The following OSBPL10 variants were observed in gnomAD, a reference collection of about 807,000 sequenced individuals.
The protein encoded by OSBPL10 is oxysterol binding protein like 10.
In OSBPL10, 49 loss-of-function variants were observed where a neutral mutation model predicts 81.7. The observed-to-expected ratio is 0.60, with a 90% confidence interval of 0.48 to 0.76. The LOEUF (loss-of-function observed/expected upper bound fraction) is 0.76. OSBPL10 is among the 30% of genes least tolerant of loss of function. The probability of loss-of-function intolerance (pLI) is 0.00; values close to 1 mark genes in which losing one functional copy is unlikely to be tolerated. For missense variants in OSBPL10, 923 were observed against 987.8 expected, an observed-to-expected ratio of 0.93 and a Z score of 0.88; for synonymous variants, 419 against 383.6, an observed-to-expected ratio of 1.09 and a Z score of -1.08.
At chr3:31,842,820 G>A (rs532187180) in intron 3 of OSBPL10, among the ~76,000 whole-genome samples, 23 of 152,232 alleles carry the variant, frequency 1.5e-4, no homozygotes, top group African/African-American at 4.8e-4. Context: ...AAACTGATAC[G>A]GGAAGAGCAA....
chr3:31,761,159 A>G (rs1698024241), intron 4 of OSBPL10, among the ~76,000 whole-genome samples: 1 of 152,200 alleles, frequency 6.6e-6, no homozygotes, highest in Non-Finnish European at 1.5e-5. Context: ...ATGTCCCTGC[A>G]TAATGCAGGG....
chr3:31,700,965 C>T (rs1169171838), intron 7 of OSBPL10, among the ~76,000 whole-genome samples: 2 of 152,216 alleles, frequency 1.3e-5, no homozygotes, highest in Non-Finnish European at 2.9e-5. Context: ...CTTTCTATGT[C>T]TGGCGTCCTC....
intron 1 of OSBPL10, among the ~76,000 whole-genome samples, chr3:31,927,109 T>TCAA (rs761005114): frequency 9.2e-5 from 14 of 152,026 alleles, no homozygotes; most frequent in East Asian, 5.8e-4. Context: ...AGACTCCATC[T>TCAA]CAACAACAAC....
intron 7 of OSBPL10, among the ~76,000 whole-genome samples, chr3:31,698,428 G>GTGA (rs1695793660): frequency 6.6e-6 from 1 of 152,002 alleles, no homozygotes; most frequent in African/African-American, 2.4e-5. Context: ...TCCAGCCTGG[G>GTGA]TGATAGAGCG....
chr3:31,666,148 G>A (rs1575461700), intron 10 of OSBPL10, among the ~76,000 whole-genome samples: 1 of 152,182 alleles, frequency 6.6e-6, no homozygotes, highest in East Asian at 1.9e-4. Flanking sequence ...AGGGCACCAT[G>A]GCAGAGGTCG....
At chr3:31,769,995 T>C (rs1698328856) in intron 4 of OSBPL10, among the ~76,000 whole-genome samples, 1 of 152,136 alleles carries the variant, frequency 6.6e-6, no homozygotes, top group Admixed American at 6.5e-5. Flanking sequence ...GATGACAAGG[T>C]TCTGCCTGTA....
rs1306473764 is a variant in OSBPL10 at position 31,930,003 on chromosome 3, C to CAAACAAAAAAAAAAAAAAA, written c.282-50174_282-50173insTTTTTTTTTTTTTTTGTTT. Among the ~76,000 whole-genome samples the CAAACAAAAAAAAAAAAAAA allele has an allele frequency of 8.3e-5, 6 of 72,570 alleles. 2 individuals carry two copies. The highest frequency in any genetic ancestry group is 1.0e-4 in the Non-Finnish European group (4 of 38,440). 47.6% of individuals were successfully genotyped at this position (72,570 alleles called of 152,430 possible). On this transcript the variant is annotated intron_variant, in intron 1 of 11. Transcript: ENST00000396556. Reference sequence around the variant, plus strand: ...GATCAAGTGAGACCCTGTCACCAACCAAAAAAAAAAAAAAAAAAAAAAACA... The same window carrying CAAACAAAAAAAAAAAAAAA: ...GATCAAGTGAGACCCTGTCACCAACCAAACAAAAAAAAAAAAAAAAAAAAAAAAAAAAAAAAAAAAAACA...
At chr3:31,673,437 C>A (rs1366411951) in intron 8 of OSBPL10, among the ~76,000 whole-genome samples, 2 of 152,164 alleles carry the variant, frequency 1.3e-5, no homozygotes, top group African/African-American at 4.8e-5. Flanking sequence ...AGAGAGGTCA[C>A]CTCAAATATC....
chr3:31,997,318 G>T (rs376130816), intron 2 of OSBPL10, among the ~76,000 whole-genome samples: 4 of 151,526 alleles, frequency 2.6e-5, no homozygotes, highest in African/African-American at 9.7e-5. Context: ...AGGCTGGAGT[G>T]CAGTGGTGCG....
intron 3 of OSBPL10, among the ~76,000 whole-genome samples, chr3:31,846,247 C>T (rs2125564926): frequency 6.6e-6 from 1 of 152,308 alleles, no homozygotes; most frequent in South Asian, 2.1e-4. Flanking sequence ...TCCTGGGCTC[C>T]AGCGATCCTC....
intron 3 of OSBPL10, among the ~76,000 whole-genome samples, chr3:31,864,377 T>C (rs1350734739): frequency 6.6e-6 from 1 of 151,928 alleles, no homozygotes; most frequent in Non-Finnish European, 1.5e-5. Flanking sequence ...GAGTAGCTGG[T>C]ATGACAGACA....
intron 2 of OSBPL10, 54 bp from the exon 3 acceptor site, chr3:31,876,566 A>G: frequency 6.8e-7 from 1 of 1,475,114 alleles, no homozygotes. Flanking sequence ...TCCAAAACAC[A>G]TCCAACTTAT....
intron 5 of OSBPL10, among the ~76,000 whole-genome samples, chr3:31,740,563 AG>A (rs145440353): frequency 0.053 from 8,043 of 152,042 alleles, 710 homozygotes; most frequent in African/African-American, 0.18. Flanking sequence ...AGATTCAAAA[AG>A]TATTGCATCA....
chr3:31,985,544 CTAG>C (rs984107224), upstream of OSBPL10, among the ~76,000 whole-genome samples: 1 of 152,158 alleles, frequency 6.6e-6, no homozygotes, highest in African/African-American at 2.4e-5. Flanking sequence ...TCTGGAGTTT[CTAG>C]TAGTTGTTTC....
chr3:31,886,010 A>AG (rs1194892662), intron 1 of OSBPL10, among the ~76,000 whole-genome samples: 2 of 146,212 alleles, frequency 1.4e-5, no homozygotes, highest in African/African-American at 2.5e-5. Flanking sequence ...AAAAAAAAAA[A>AG]AAAAGAAAGA....
intron 1 of OSBPL10, 45 bp downstream of exon 1, chr3:31,980,854 C>G (rs763125097): frequency 2.2e-5 from 34 of 1,519,750 alleles, no homozygotes; most frequent in Non-Finnish European, 2.7e-5. Flanking sequence ...CACACACACA[C>G]ACACACACAG....
intron 2 of OSBPL10, among the ~76,000 whole-genome samples, chr3:32,045,687 G>A (rs114711713): frequency 6.6e-6 from 1 of 152,162 alleles, no homozygotes; most frequent in Non-Finnish European, 1.5e-5. Flanking sequence ...AGTAAGCTGT[G>A]GGGGAGGGGG....
At chr3:31,859,942 T>C (rs1701018624) in intron 3 of OSBPL10, among the ~76,000 whole-genome samples, 1 of 152,102 alleles carries the variant, frequency 6.6e-6, no homozygotes, top group African/African-American at 2.4e-5. Flanking sequence ...GTGAGTGAAA[T>C]TTTCCAATGG....
rs556541222 is a variant in OSBPL10, at chr3:31,781,294, G to A, written c.730-33174C>T. ...TATGATTAAAACCCTAAACAAAACT[G>A]GCATAGAAGGGACATCTCAAGGTAA... On this transcript the variant is annotated intron_variant, in intron 4 of 11. Transcript: ENST00000396556. Among the ~76,000 whole-genome samples the A allele has an allele frequency of 2.6e-5, 4 of 152,142 alleles. No homozygotes were observed. The South Asian group carries it at 8.3e-4, about 32-fold the overall frequency.
Sources: gnomAD v4.1 joint callset for allele counts (sites outside exome capture counted in the v4.1 genomes callset) on GRCh38, gnomAD v4.1.1 for gene constraint, MANE v1.5 for transcripts, NCBI Gene and HGNC (gene_info 2026-07-23, HGNC 2026-07-21) for gene names.